ABCA1: variants seen among roughly 807,000 people sequenced by gnomAD.
The protein encoded by ABCA1 is ATP binding cassette subfamily A member 1.
A neutral mutation model predicts 262.5 loss-of-function variants in ABCA1; 133 were observed. That is an observed-to-expected ratio of 0.51 (90% CI 0.44 to 0.59). The LOEUF is 0.59. ABCA1 is among the 20% of genes least tolerant of loss of function. The pLI is 0.00. For synonymous variants in ABCA1, 1,022 were observed against 1,043.5 expected (o/e 0.98, Z 0.40); for missense variants, 2,452 against 2,777.5 (o/e 0.88, Z 2.63).
intron 2 of ABCA1, among the ~76,000 whole-genome samples, chr9:104,894,076 T>G (rs988279937): frequency 6.6e-6 from 1 of 152,202 alleles, no homozygotes; most frequent in Non-Finnish European, 1.5e-5. Flanking sequence ...GCACCAATGT[T>G]TGAACCCAGA....
intron 30 of ABCA1, among the ~76,000 whole-genome samples, chr9:104,807,845 T>TAC (rs60348262): frequency 0.073 from 3,543 of 48,308 alleles, 48 homozygotes; most frequent in Non-Finnish European, 0.15. Context: ...TATATATATA[T>TAC]ACACACACAC....
At chr9:104,806,104 CAGAAAAAAAAACAAAAA>C in intron 31 of ABCA1, 120 bp downstream of exon 31, 1 of 933,086 alleles carries the variant, frequency 1.1e-6, no homozygotes, top group Non-Finnish European at 1.6e-6. Flanking sequence ...GACTCCGCCT[CAGAAAAAAAAACAAAAA>C]ACAAAAAAGA....
At chr9:104,871,047 G>T (rs1348523410) in intron 5 of ABCA1, among the ~76,000 whole-genome samples, 2 of 152,206 alleles carry the variant, frequency 1.3e-5, no homozygotes, top group Non-Finnish European at 2.9e-5. Flanking sequence ...GGGCGTATAT[G>T]TGCAAGTCAC....
chr9:104,900,020 A>T (rs966933798), intron 2 of ABCA1, among the ~76,000 whole-genome samples: 10 of 152,176 alleles, frequency 6.6e-5, no homozygotes. Flanking sequence ...CCTAACAGAA[A>T]CAGCGGAAAA....
intron 5 of ABCA1, among the ~76,000 whole-genome samples, chr9:104,869,127 G>C (rs113136443): frequency 3.3e-5 from 5 of 152,106 alleles, no homozygotes; most frequent in Non-Finnish European, 5.9e-5. Context: ...GGTTACTCTC[G>C]GTCAGTGCCC....
chr9:104,811,063 A>T, intron 28 of ABCA1, 139 bp from the exon 29 acceptor site: 3 of 1,263,768 alleles, frequency 2.4e-6, no homozygotes, highest in Non-Finnish European at 3.3e-6. Flanking sequence ...AGGGCCTATG[A>T]CTGTGCTGCA....
chr9:104,781,968 C>T lies in ABCA1; in HGVS notation c.*2347G>A, dbSNP rs1028745645. On this transcript the variant is annotated 3_prime_UTR_variant, in exon 50 of 50. Coordinates refer to ENST00000374736, the MANE Select transcript of ABCA1 (RefSeq NM_005502.4). ...ATGTATAACTATAGATTGTTTCTAG[C>T]TTCAGAAGAGGTCCTTTCAATCTGT... 1 of 152,130 alleles carries T rather than the reference C, an allele frequency of 6.6e-6. No homozygotes were observed. Among genetic ancestry groups the T allele is most frequent in the Non-Finnish European group, 1.5e-5 (1 of 67,964 alleles). 9.4% of individuals were successfully genotyped at this position (152,130 alleles called of 1,614,324 possible).
intron 41 of ABCA1, 75 bp downstream of exon 41, chr9:104,793,096 T>C (rs996751353): frequency 4.4e-6 from 7 of 1,600,912 alleles, no homozygotes; most frequent in Non-Finnish European, 5.1e-6. Flanking sequence ...GCAACCCCCA[T>C]TGGTGAGTGT....
At chr9:104,882,028 T>TAAAAAAAAAAAAAAAAAAAAAAAAAAAAA (rs557626075) in intron 5 of ABCA1, among the ~76,000 whole-genome samples, 12 of 73,754 alleles carry the variant, frequency 1.6e-4, no homozygotes, top group East Asian at 1.1e-3. Context: ...TCTGTAGCCT[T>TAAAAAAAAAAAAAAAAAAAAAAAAAAAAA]AAAAAAAAAA....
chr9:104,819,919 G>A lies in ABCA1; in HGVS notation c.3103+8C>T, dbSNP rs761260530. 2 of 1,612,142 alleles carry A rather than the reference G, an allele frequency of 1.2e-6. No homozygotes were observed. The highest frequency in any genetic ancestry group is 1.3e-5 in the African/African-American group (1 of 74,912). On this transcript the variant is annotated splice_region_variant and intron_variant, in intron 21 of 49. Transcript: ENST00000374736. ...GAGAGGGATAGGGAAGGTAGCTCTG[G>A]GCCGCACCTGACAGCTGGCTTGTTT... is the stretch of plus-strand genomic sequence containing the variant.
chr9:104,921,821 T>G (rs563757714), intron 1 of ABCA1, among the ~76,000 whole-genome samples: 1 of 152,302 alleles, frequency 6.6e-6, no homozygotes, highest in East Asian at 1.9e-4. Context: ...TCAAAGACCT[T>G]CCTCTAGAGA....
intron 1 of ABCA1, among the ~76,000 whole-genome samples, chr9:104,915,231 G>C (rs10991405): frequency 0.087 from 13,316 of 152,204 alleles, 635 homozygotes; most frequent in African/African-American, 0.11. Context: ...CCTTTCACCA[G>C]CCAGCTCTTG....
rs535283427 is a variant in ABCA1, at chr9:104,888,052, T to C, written c.160+1050A>G. On this transcript the variant is annotated intron_variant, in intron 3 of 49. Transcript: ENST00000374736. ...GAAATCACGTCTCAGAAAATGTTTCTTGAGGGGTGTGTGTGTGTGTGTGTG... is the reference window on the plus strand; with the variant it reads ...GAAATCACGTCTCAGAAAATGTTTCCTGAGGGGTGTGTGTGTGTGTGTGTG... Among the ~76,000 whole-genome samples the C allele has an allele frequency of 1.9e-4, 27 of 141,406 alleles. No individual in the cohort carries two copies. In the East Asian group the frequency reaches 5.7e-3, roughly 30 times the overall value. 92.8% of individuals were successfully genotyped at this position (141,406 alleles called of 152,430 possible). A position where few individuals can be genotyped will look rare whatever the true frequency, so the allele number is the denominator to read the frequency against.
intron 2 of ABCA1, among the ~76,000 whole-genome samples, chr9:104,893,353 C>G (rs1206658532): frequency 1.6e-5 from 2 of 127,100 alleles, no homozygotes; most frequent in African/African-American, 6.0e-5. Flanking sequence ...ACCCAGGAGA[C>G]AGAGGTTGGG....
Position 104,903,697 on chromosome 9 carries a change from C to T in ABCA1, c.-18G>A, listed in dbSNP as rs1800978. On this transcript the variant is annotated 5_prime_UTR_variant, in exon 2 of 50. Coordinates refer to ENST00000374736, the MANE Select transcript of ABCA1 (RefSeq NM_005502.4). Reference sequence around the variant, plus strand: ...CAAGCCATGTTCCCTCAGCCAGCACCCCCAGCGTGTGGCTCGGGAGCCCTG... The same window carrying T: ...CAAGCCATGTTCCCTCAGCCAGCACTCCCAGCGTGTGGCTCGGGAGCCCTG... 9 of 1,571,454 alleles carry T rather than the reference C, an allele frequency of 5.7e-6. No individual in the cohort carries two copies. Among genetic ancestry groups the T allele is most frequent in the Non-Finnish European group, 7.8e-6 (9 of 1,157,808 alleles).
chr9:104,904,798 T>C (rs2575878), intron 1 of ABCA1, among the ~76,000 whole-genome samples: 95,140 of 151,970 alleles, frequency 0.63, 30,900 homozygotes, highest in East Asian at 0.82. Context: ...CAAGCTCCCA[T>C]GGTCAGCACA....
intron 13 of ABCA1, 48 bp from the exon 14 acceptor site, chr9:104,831,149 T>TTA: frequency 2.2e-6 from 2 of 924,052 alleles, no homozygotes; most frequent in African/African-American, 2.1e-5. Context: ...AACCATACAA[T>TTA]AAAAAAAAAA....
chr9:104,788,352 G>T (rs528828851), intron 45 of ABCA1, 74 bp downstream of exon 45: 2 of 1,600,676 alleles, frequency 1.2e-6, no homozygotes, highest in Non-Finnish European at 1.7e-6. Flanking sequence ...AAGTCAATGC[G>T]TGTGGAAAAG....
At chr9:104,893,448 A>AAAAAAAAG (rs1564263895) in intron 2 of ABCA1, among the ~76,000 whole-genome samples, 4 of 148,746 alleles carry the variant, frequency 2.7e-5, no homozygotes, top group African/African-American at 1.0e-4. Flanking sequence ...AAAAAAAAAA[A>AAAAAAAAG]AAAAGAAAAG....
Sources: allele counts gnomAD v4.1 joint callset (sites outside exome capture counted in the v4.1 genomes callset), GRCh38; gene constraint gnomAD v4.1.1; transcripts MANE v1.5; gene names NCBI Gene and HGNC (gene_info 2026-07-23, HGNC 2026-07-21).